The following FREM1 variants were observed in gnomAD, a reference collection of about 807,000 sequenced individuals.
FREM1 encodes the protein FRAS1-related extracellular matrix protein 1.
In FREM1, 220 loss-of-function variants were observed where a neutral mutation model predicts 210.1. That is an observed-to-expected ratio of 1.05 (90% CI 0.94 to 1.17). The LOEUF is 1.17. FREM1 is among the 50% of genes most tolerant of loss of function. The pLI, the probability that FREM1 is intolerant of heterozygous loss-of-function variation, is 0.00. For synonymous variants in FREM1, 1,189 were observed against 980.2 expected (o/e 1.21, Z -3.98); for missense variants, 3,454 against 2,675.5 (o/e 1.29, Z -6.42).
At position 14,747,744 on chromosome 9, in the gene FREM1, A is replaced by G; in HGVS notation, c.5797-16T>C. On this transcript the variant is annotated splice_polypyrimidine_tract_variant and intron_variant, in intron 31 of 36. Transcript: ENST00000380880. ...ATGGACGAACCTGAAATTGACAGAGAACAAAATATGAACAGAATTGGATTG... is the reference window on the plus strand; with the variant it reads ...ATGGACGAACCTGAAATTGACAGAGGACAAAATATGAACAGAATTGGATTG... 1 of 1,509,462 alleles carries G rather than the reference A, an allele frequency of 6.6e-7. No homozygotes were observed. The highest frequency in any genetic ancestry group is 9.0e-7 in the Non-Finnish European group (1 of 1,113,260). 93.5% of individuals were successfully genotyped at this position (1,509,462 alleles called of 1,614,324 possible).
intron 1 of FREM1, among the ~76,000 whole-genome samples, chr9:14,889,263 G>A (rs1024507433): frequency 2.6e-5 from 4 of 152,188 alleles, no homozygotes; most frequent in African/African-American, 7.2e-5. Flanking sequence ...CTGGAAAGCT[G>A]GTACCAATTT....
At chr9:14,874,901 G>C (rs954570536) in intron 1 of FREM1, among the ~76,000 whole-genome samples, 4 of 152,140 alleles carry the variant, frequency 2.6e-5, no homozygotes, top group Non-Finnish European at 5.9e-5. Context: ...TGTCTGTAAA[G>C]TGTTTTATTT....
chr9:14,810,861 G>C (rs1437645650), intron 16 of FREM1, among the ~76,000 whole-genome samples: 2 of 152,100 alleles, frequency 1.3e-5, no homozygotes, highest in African/African-American at 4.8e-5. Context: ...TATGTAATAA[G>C]GTGATTTTTA....
At position 14,737,594 on chromosome 9, in the gene FREM1, A is replaced by C. The variant is rs1399063427; in HGVS notation, c.6342T>G (p.Gly2114=). 6.5e-6 allele frequency: 10 copies of C among 1,533,612 alleles called. No homozygotes were observed. The Middle Eastern group carries it at 5.2e-4, about 79-fold the overall frequency. ...GGCCAGCATGCACTTGGTCGTTCAA[A>C]CCTAATGTGAACCAAAAGAATGTAC... is the stretch of plus-strand genomic sequence containing the variant. The part of the protein sequence containing the change: ...DIGGRKSFWI[G]LNDQVHAGHW... The change falls in exon 37 of 37, where the codon GGT becomes GGG. Residue 2114 remains glycine (G), a splice_region_variant and synonymous_variant. Coordinates refer to ENST00000380880, the MANE Select transcript of FREM1 (RefSeq NM_001379081.2).
intron 1 of FREM1, among the ~76,000 whole-genome samples, chr9:14,890,624 T>C (rs756933052): frequency 6.6e-6 from 1 of 152,186 alleles, no homozygotes; most frequent in African/African-American, 2.4e-5. Flanking sequence ...AAATATAGAA[T>C]GGCCAGAGGG....
intron 7 of FREM1, among the ~76,000 whole-genome samples, chr9:14,846,853 T>C (rs894046955): frequency 2.6e-5 from 4 of 152,192 alleles, no homozygotes; most frequent in African/African-American, 7.2e-5. Flanking sequence ...AACTGACTGT[T>C]CTCTAGCTGC....
chr9:14,806,721 A>G lies in FREM1; in HGVS notation c.3214T>C (p.Tyr1072His). Residue 1072 changes from tyrosine (Y) to histidine (H), a missense_variant, in exon 18 of 37, where the codon TAC becomes CAC. Transcript: ENST00000380880. The stretch of plus-strand genomic sequence containing the variant: ...ACAGAAGGGAGTATATTTTCGAGGT[A>G]GCCAAACTGAGGAGGAGAAACCAAA... ...FVLVSPPQFG[Y>H]LENILPSVGF... The G allele has an allele frequency of 6.2e-7, 1 of 1,604,200 alleles. No homozygotes were observed. Among genetic ancestry groups the G allele is most frequent in the South Asian group, 1.1e-5 (1 of 88,564 alleles).
intron 10 of FREM1, among the ~76,000 whole-genome samples, chr9:14,830,909 G>A (rs1201972057): frequency 2.0e-5 from 3 of 152,168 alleles, no homozygotes; most frequent in African/African-American, 7.2e-5. Flanking sequence ...GTCATTCTGA[G>A]GCACTCTTCG....
In FREM1 at chr9:14,900,577, T is replaced by C. The variant is rs59001724; in HGVS notation, c.-268+9337A>G. On this transcript the variant is annotated intron_variant, in intron 1 of 36. Transcript: ENST00000380880. ...CAAGACCCAGTGTGGTGGTGGTTGG[T>C]TGGGGGAGGGCTGGGAAGAGGAGAG... Among the ~76,000 whole-genome samples the C allele has an allele frequency of 5.7e-3, 866 of 151,602 alleles. 9 individuals are homozygous for C. The highest frequency in any genetic ancestry group is 0.015 in the African/African-American group (617 of 41,310).
At chr9:14,872,890 T>G (rs1832946676) in intron 1 of FREM1, among the ~76,000 whole-genome samples, 2 of 151,878 alleles carry the variant, frequency 1.3e-5, no homozygotes, top group African/African-American at 4.8e-5. Flanking sequence ...GGCTGTTGAA[T>G]TTTGTCAAAG....
chr9:14,832,988 T>G (rs1477464142), intron 10 of FREM1, among the ~76,000 whole-genome samples: 2 of 152,174 alleles, frequency 1.3e-5, no homozygotes, highest in African/African-American at 2.4e-5. Context: ...AGTAACAAAC[T>G]TGGCTATGGG....
intron 1 of FREM1, among the ~76,000 whole-genome samples, chr9:14,881,947 A>G (rs1834867627): frequency 6.6e-6 from 1 of 152,168 alleles, no homozygotes; most frequent in Non-Finnish European, 1.5e-5. Flanking sequence ...TGCCTTGCAC[A>G]TGAAAAAATG....
chr9:14,790,874 C>T (rs1851183713), intron 22 of FREM1: 1 of 152,160 alleles, frequency 6.6e-6, no homozygotes, highest in African/African-American at 2.4e-5. Flanking sequence ...AATGTGTGAG[C>T]TCTCACTGCA....
chr9:14,819,487 A>T (rs770727123), intron 13 of FREM1, 45 bp from the exon 14 acceptor site: 38 of 1,194,772 alleles, frequency 3.2e-5, no homozygotes, highest in Middle Eastern at 1.9e-4. Flanking sequence ...TTTTTCCATG[A>T]CCCCTGAAGA....
chr9:14,795,293 CAG>C (rs1269600729), intron 21 of FREM1, among the ~76,000 whole-genome samples: 1 of 152,158 alleles, frequency 6.6e-6, no homozygotes, highest in African/African-American at 2.4e-5. Context: ...GAGAGGTTAA[CAG>C]AGAGATTGAG....
intron 27 of FREM1, among the ~76,000 whole-genome samples, chr9:14,766,176 T>C (rs61078389): frequency 6.6e-6 from 1 of 152,208 alleles, no homozygotes; most frequent in African/African-American, 2.4e-5. Context: ...CCTCAGAGGA[T>C]TGTGTTTTGC....
intron 1 of FREM1, among the ~76,000 whole-genome samples, chr9:14,876,681 C>T (rs1026384112): frequency 2.6e-5 from 4 of 152,108 alleles, no homozygotes; most frequent in African/African-American, 9.7e-5. Flanking sequence ...GTGCGCTGCA[C>T]CCACTGTCCT....
chr9:14,739,009 C>CAAAAAAAA (rs386414499), intron 36 of FREM1, among the ~76,000 whole-genome samples: 2 of 87,764 alleles, frequency 2.3e-5, no homozygotes, highest in African/African-American at 4.8e-5. Context: ...GATTCTGTCT[C>CAAAAAAAA]AAAAAAAAAA....
At chr9:14,770,836 G>C (rs1191184887) in intron 25 of FREM1, 30 bp from the exon 26 acceptor site, 1 of 1,544,814 alleles carries the variant, frequency 6.5e-7, no homozygotes, top group South Asian at 1.2e-5. Context: ...ATAAAATGTT[G>C]TCCAAAGGCC....
Sources: gnomAD v4.1 joint callset for allele counts (sites outside exome capture counted in the v4.1 genomes callset) on GRCh38, gnomAD v4.1.1 for gene constraint, MANE v1.5 for transcripts, NCBI Gene and HGNC (gene_info 2026-07-23, HGNC 2026-07-21) for gene names.